Variants in DCTN2 observed in about 807,000 individuals in gnomAD.
DCTN2 encodes the protein 50 kDa dynein-associated polypeptide.
DCTN2 carries 18 observed loss-of-function variants against 55.4 expected under a neutral mutation model. That is an observed-to-expected ratio of 0.32 (90% CI 0.22 to 0.48). The LOEUF (loss-of-function observed/expected upper bound fraction) is 0.48. Among genes scored for constraint, DCTN2 ranks in the 20% least tolerant of loss-of-function variants. The probability of loss-of-function intolerance (pLI) is 0.99; values close to 1 mark genes in which losing one functional copy is unlikely to be tolerated. For synonymous variants in DCTN2, 168 were observed against 185.2 expected, an observed-to-expected ratio of 0.91 and a Z score of 0.76; for missense variants, 390 against 491.0, an observed-to-expected ratio of 0.79 and a Z score of 1.94.
intron 8 of DCTN2, 45 bp downstream of exon 8, chr12:57,533,193 G>C: frequency 6.2e-7 from 1 of 1,602,290 alleles, no homozygotes; most frequent in Non-Finnish European, 8.6e-7. Context: ...AAGGCCTAGA[G>C]TTGCAGGATC....
chr12:57,543,273 C>T (rs1023444561), intron 2 of DCTN2: 18 of 318,764 alleles, frequency 5.6e-5, no homozygotes, highest in African/African-American at 3.6e-4. Flanking sequence ...GGCGTGAACC[C>T]GGGAGGTGGA....
intron 9 of DCTN2, 62 bp from the exon 10 acceptor site, chr12:57,532,872 C>T: frequency 6.2e-7 from 1 of 1,602,878 alleles, no homozygotes; most frequent in South Asian, 1.1e-5. Context: ...AGAGGCCTCC[C>T]ATATTCCACT....
chr12:57,534,125 A>G, intron 6 of DCTN2, 28 bp from the exon 7 acceptor site: 1 of 1,562,550 alleles, frequency 6.4e-7, no homozygotes. Context: ...TAATAATATC[A>G]TGACTGGAAG....
intron 13 of DCTN2, among the ~76,000 whole-genome samples, chr12:57,531,295 G>A (rs7299631): frequency 0.67 from 101,646 of 151,828 alleles, 39,068 homozygotes; most frequent in Non-Finnish European, 0.86. Flanking sequence ...GCCGAGATGG[G>A]TGGGATCACT....
intron 2 of DCTN2, among the ~76,000 whole-genome samples, chr12:57,540,282 TC>T (rs1338578397): frequency 6.6e-6 from 1 of 152,224 alleles, no homozygotes. Flanking sequence ...AAGCTCAATT[TC>T]AAACCATGCG....
At chr12:57,541,891 G>A (rs1027063010) in intron 2 of DCTN2, among the ~76,000 whole-genome samples, 5 of 152,204 alleles carry the variant, frequency 3.3e-5, no homozygotes, top group Admixed American at 2.0e-4. Flanking sequence ...AGATTGAGGA[G>A]GAAAGGGCTA....
intron 2 of DCTN2, chr12:57,542,879 G>A: frequency 4.4e-6 from 2 of 456,056 alleles, no homozygotes; most frequent in Non-Finnish European, 8.8e-6. Flanking sequence ...ATCCATATTG[G>A]TTGTCTCTAG....
At position 57,532,282 on chromosome 12, in the gene DCTN2, TC is replaced by T; in HGVS notation, c.957del (p.Trp319Ter). ...TCAGGGAGGGTGGAGGCAATGGGGC[TC>T]CAGCGCTGTATAGTTTCATATAGCT... ...VHQLYETIQR[W>X]SPIASTLPEL... On this transcript the variant is annotated frameshift_variant, in exon 12 of 14. Transcript: ENST00000548249. LOFTEE classifies it high-confidence loss of function. 1 of 1,563,108 alleles carries T rather than the reference TC, an allele frequency of 6.4e-7. No individual in the cohort carries two copies.
rs935931975 is a variant in DCTN2 at position 57,540,114 on chromosome 12, G to A, written c.106-4269C>T. 2.8e-5 allele frequency: 28 copies of A among 985,238 alleles called. 1 individual carries two copies. In the South Asian group the frequency reaches 1.0e-3, roughly 36 times the overall value. 61.0% of individuals were successfully genotyped at this position (985,238 alleles called of 1,614,324 possible). On this transcript the variant is annotated intron_variant, in intron 2 of 13. Coordinates refer to ENST00000548249, the MANE Select transcript of DCTN2 (RefSeq NM_001261413.2). ...GGTGGCTCCAGATCCTGTGGTCGAGGCTGGGATGTCTCTGCATAGAGTGGG... is the reference window on the plus strand; with the variant it reads ...GGTGGCTCCAGATCCTGTGGTCGAGACTGGGATGTCTCTGCATAGAGTGGG...
Position 57,532,559 on chromosome 12 carries a change from G to A in DCTN2, c.924+13C>T, listed in dbSNP as rs755230022. On this transcript the variant is annotated intron_variant, in intron 11 of 13. Transcript: ENST00000548249. ...AGGGAGTGGAAAGGAGATGGGGAAGGTGTCTTCCTGACCTTGCTTTGTGTA... is the reference window on the plus strand; with the variant it reads ...AGGGAGTGGAAAGGAGATGGGGAAGATGTCTTCCTGACCTTGCTTTGTGTA... 4 of 1,613,676 alleles carry A rather than the reference G, an allele frequency of 2.5e-6. No individual in the cohort carries two copies. Among genetic ancestry groups the A allele is most frequent in the East Asian group, 4.5e-5 (2 of 44,882 alleles).
intron 2 of DCTN2, chr12:57,539,976 C>T (rs958815164): frequency 1.2e-5 from 6 of 513,766 alleles, no homozygotes; most frequent in Non-Finnish European, 1.5e-5. Flanking sequence ...CAGTTGAACC[C>T]GGCAGGCGGA....
At chr12:57,544,111 T>G (rs1432681532) in intron 2 of DCTN2, 1 of 452,046 alleles carries the variant, frequency 2.2e-6, no homozygotes, top group Non-Finnish European at 4.4e-6. Context: ...TATCTCACCA[T>G]GAAGGGCAGA....
intron 2 of DCTN2, chr12:57,538,148 AG>A: frequency 2.7e-6 from 1 of 363,738 alleles, no homozygotes; most frequent in Non-Finnish European, 5.3e-6. Context: ...GGAGTAGAAG[AG>A]GGTCAACACA....
intron 2 of DCTN2, chr12:57,542,825 CA>C (rs1223889308): frequency 6.6e-6 from 3 of 454,508 alleles, no homozygotes; most frequent in Non-Finnish European, 8.8e-6. Flanking sequence ...TCTCAAAAAC[CA>C]AAAAGAAATC....
rs1358855334 is a variant in DCTN2 at position 57,540,573 on chromosome 12, G to C, written c.106-4728C>G. On this transcript the variant is annotated intron_variant, in intron 2 of 13. Transcript: ENST00000548249. ...CAGGGCTGTTTGGCTAAGTGGCTGT[G>C]CCTCAGAGGGCAAGATCTGAGGTTC... Among the ~76,000 whole-genome samples the C allele has an allele frequency of 3.3e-5, 5 of 152,304 alleles. No individual in the cohort carries two copies. The East Asian group carries it at 7.7e-4, about 23-fold the overall frequency.
chr12:57,542,842 A>G (rs1474546782), intron 2 of DCTN2: 1 of 455,364 alleles, frequency 2.2e-6, no homozygotes. Context: ...AAATCTGGAG[A>G]CCCCCTGAAA....
chr12:57,543,963 G>GTA, intron 2 of DCTN2: 1 of 481,494 alleles, frequency 2.1e-6, no homozygotes. Context: ...CCTGGAATGG[G>GTA]TGTCATCTCC....
Position 57,532,799 on chromosome 12 carries a change from C to A in DCTN2, c.786G>T (p.Glu262Asp). Residue 262 changes from glutamate to aspartate, a missense_variant, in exon 10 of 14, where the codon GAG becomes GAT. Glu to Asp is a conservative substitution (Grantham distance 45). Coordinates refer to ENST00000548249, the MANE Select transcript of DCTN2 (RefSeq NM_001261413.2). ...GGGCGCTCACCTTTGCTTGCAACAG[C>A]TCTACAGTCTCCTGGGGATGGAAGT... is the stretch of plus-strand genomic sequence containing the variant. Reference protein sequence around the residue: ...LQGACLMETVELLQAKVSALD... With the variant: ...LQGACLMETVDLLQAKVSALD... The A allele has an allele frequency of 6.2e-7, 1 of 1,614,010 alleles. No homozygotes were observed. The highest frequency in any genetic ancestry group is 8.5e-7 in the Non-Finnish European group (1 of 1,179,898).
intron 7 of DCTN2, 137 bp from the exon 8 acceptor site, chr12:57,533,440 T>C: frequency 1.2e-6 from 1 of 833,748 alleles, no homozygotes; most frequent in East Asian, 2.4e-5. Context: ...CTAGCCACAA[T>C]CTTAAAATCC....
Sources: gnomAD v4.1 joint callset for allele counts (sites outside exome capture counted in the v4.1 genomes callset) on GRCh38, gnomAD v4.1.1 for gene constraint, MANE v1.5 for transcripts, NCBI Gene and HGNC (gene_info 2026-07-23, HGNC 2026-07-21) for gene names.